Variants in EYS observed in about 807,000 individuals in gnomAD.
The protein encoded by EYS is protein eyes shut homolog.
Under a neutral mutation model 282.1 loss-of-function variants are expected in EYS, and 250 were observed. That is an observed-to-expected ratio of 0.89 (90% CI 0.80 to 0.98). The LOEUF is 0.98. Among genes scored for constraint, EYS ranks in the 50% least tolerant of loss-of-function variants. The pLI, the probability that EYS is intolerant of heterozygous loss-of-function variation, is 0.00. For missense variants in EYS, 4,016 were observed against 3,709.0 expected, an observed-to-expected ratio of 1.08 and a Z score of -2.15; for synonymous variants, 1,355 against 1,282.9, an observed-to-expected ratio of 1.06 and a Z score of -1.20.
At chr6:64,982,681 T>C (rs1770717977) in intron 14 of EYS, among the ~76,000 whole-genome samples, 1 of 151,186 alleles carries the variant, frequency 6.6e-6, no homozygotes, top group South Asian at 2.1e-4. Context: ...TGAGTGCTTT[T>C]AAAACACTTA....
In EYS at chr6:65,183,424, C is replaced by T. The variant is rs547800534; in HGVS notation, c.2023+112439G>A. On this transcript the variant is annotated intron_variant, in intron 12 of 42. Coordinates refer to ENST00000503581, the MANE Select transcript of EYS (RefSeq NM_001142800.2). ...CTATTTATAATTCCAAATACAATTT[C>T]GGAGTTATTTTGAGTTTCTAAAGGA... Among the ~76,000 whole-genome samples the T allele has an allele frequency of 4.1e-3, 622 of 151,768 alleles. 3 individuals carry two copies. The highest frequency in any genetic ancestry group is 0.014 in the African/African-American group (573 of 41,462).
chr6:63,988,667 G>C (rs1767476855), intron 34 of EYS, among the ~76,000 whole-genome samples: 1 of 151,490 alleles, frequency 6.6e-6, no homozygotes, highest in East Asian at 1.9e-4. Flanking sequence ...TTGTGAATCA[G>C]ACTATGAAGA....
chr6:64,088,793 G>C (rs1388846720), intron 31 of EYS, among the ~76,000 whole-genome samples: 1 of 151,908 alleles, frequency 6.6e-6, no homozygotes, highest in Non-Finnish European at 1.5e-5. Context: ...CAACTTAGCA[G>C]AATAAAAGTT....
chr6:64,403,288 A>G (rs1773596834), intron 28 of EYS, among the ~76,000 whole-genome samples: 2 of 152,144 alleles, frequency 1.3e-5, no homozygotes, highest in South Asian at 4.1e-4. Context: ...GTACTTGACA[A>G]TTTATGAATA....
intron 31 of EYS, among the ~76,000 whole-genome samples, chr6:64,152,397 A>G (rs934678824): frequency 6.6e-6 from 1 of 152,226 alleles, no homozygotes; most frequent in East Asian, 1.9e-4. Context: ...AAGAAATATT[A>G]GAGATTATTT....
At chr6:65,252,478 C>T (rs1210376856) in intron 12 of EYS, among the ~76,000 whole-genome samples, 3 of 151,906 alleles carry the variant, frequency 2.0e-5, no homozygotes, top group Admixed American at 6.6e-5. Flanking sequence ...AAATCAACTG[C>T]TTGCTAAAAT....
chr6:63,936,638 G>A (rs944805432), intron 35 of EYS, among the ~76,000 whole-genome samples: 6 of 152,068 alleles, frequency 3.9e-5, no homozygotes, highest in Non-Finnish European at 8.8e-5. Context: ...TCACTTATTT[G>A]TTCTTCTGTT....
chr6:65,262,591 G>T (rs1231567733), intron 12 of EYS, among the ~76,000 whole-genome samples: 1 of 151,898 alleles, frequency 6.6e-6, no homozygotes, highest in African/African-American at 2.4e-5. Context: ...TATGATGGAA[G>T]ATATAATTTC....
chr6:64,670,118 A>T lies in EYS; in HGVS notation c.3444-43873T>A, dbSNP rs76258601. Among the ~76,000 whole-genome samples the T allele has an allele frequency of 5.0e-3, 755 of 152,312 alleles. 8 individuals carry two copies. The highest frequency in any genetic ancestry group is 0.017 in the African/African-American group (712 of 41,570). On this transcript the variant is annotated intron_variant, in intron 22 of 42. Coordinates refer to ENST00000503581, the MANE Select transcript of EYS (RefSeq NM_001142800.2). ...CCTGATCTCCCCGTCTCTAAGGGAA[A>T]GTAGGAGCCTAACTTTGGTGGGCAC...
At chr6:65,170,877 A>T (rs1239829669) in intron 12 of EYS, among the ~76,000 whole-genome samples, 2 of 151,478 alleles carry the variant, frequency 1.3e-5, no homozygotes, top group Non-Finnish European at 3.0e-5. Context: ...AATAACAAAA[A>T]TGAGAAATTT....
chr6:65,501,465 T>G (rs1766448366), intron 2 of EYS, among the ~76,000 whole-genome samples: 1 of 151,860 alleles, frequency 6.6e-6, no homozygotes, highest in African/African-American at 2.4e-5. Flanking sequence ...AAACTACATT[T>G]AAGAAAAACA....
chr6:64,415,744 C>A (rs1232537791), intron 28 of EYS, among the ~76,000 whole-genome samples: 1 of 152,112 alleles, frequency 6.6e-6, no homozygotes, highest in African/African-American at 2.4e-5. Context: ...TTGCAGTGTT[C>A]TTCAAATCAT....
At chr6:65,285,714 A>G (rs2150279014) in intron 12 of EYS, among the ~76,000 whole-genome samples, 1 of 152,166 alleles carries the variant, frequency 6.6e-6, no homozygotes, top group South Asian at 2.1e-4. Context: ...ATTAAATGAT[A>G]GAAAATGTCC....
rs371607669 is a variant in EYS, at chr6:65,384,392, T to A, written c.1293A>T (p.Arg431Ser). 100 of 1,583,022 alleles carry A rather than the reference T, an allele frequency of 6.3e-5. No homozygotes were observed. Among genetic ancestry groups the A allele is most frequent in the Middle Eastern group, 1.7e-4 (1 of 6,012 alleles). Residue 431 changes from arginine (R) to serine (S), a missense_variant, in exon 8 of 43, where the codon AGA (arginine) becomes AGT (serine). By Grantham distance (110) the Arg-to-Ser change is moderately radical. Coordinates refer to ENST00000503581, the MANE Select transcript of EYS (RefSeq NM_001142800.2). ...CATGTATTAAATTACTTACTTTGAA[T>A]CTTCCAATTATATTGAAACACCATT... is the stretch of plus-strand genomic sequence containing the variant. Reference protein sequence around the residue: ...NEEWCFNIIGRFKYVCIPGCT... With the variant: ...NEEWCFNIIGSFKYVCIPGCT...
chr6:64,605,982 C>T (rs1766920718), intron 24 of EYS, among the ~76,000 whole-genome samples: 1 of 151,936 alleles, frequency 6.6e-6, no homozygotes, highest in East Asian at 1.9e-4. Flanking sequence ...TCTTACGTTC[C>T]TCCATTGGAA....
chr6:65,210,532 C>T (rs1044386426), intron 12 of EYS, among the ~76,000 whole-genome samples: 1 of 151,928 alleles, frequency 6.6e-6, no homozygotes, highest in South Asian at 2.1e-4. Flanking sequence ...ACTGCAGTTA[C>T]TATGCTCACT....
rs1398146929 is a variant in EYS, at chr6:65,004,234, C to T, written c.2138-6531G>A. On this transcript the variant is annotated intron_variant, in intron 13 of 42. Transcript: ENST00000503581. The stretch of plus-strand genomic sequence containing the variant: ...TTCTGACACTAGAAAGGAAAAGTCA[C>T]ATTTCATTAGATTTCCTCATTCGCT... 4.1e-5 allele frequency among the ~76,000 whole-genome samples: 6 copies of T among 147,650 alleles called. No individual in the cohort carries two copies. The East Asian group carries it at 1.3e-3, about 31-fold the overall frequency.
intron 2 of EYS, among the ~76,000 whole-genome samples, chr6:65,608,582 T>C (rs2149793722): frequency 6.6e-6 from 1 of 152,142 alleles, no homozygotes; most frequent in African/African-American, 2.4e-5. Flanking sequence ...CACCATAACA[T>C]TTTAGGTTTA....
intron 2 of EYS, among the ~76,000 whole-genome samples, chr6:65,543,935 T>C (rs1224660873): frequency 6.6e-6 from 1 of 151,784 alleles, no homozygotes; most frequent in Non-Finnish European, 1.5e-5. Flanking sequence ...TGCTTTTGAG[T>C]TGAGAGTGAA....
Sources: gnomAD v4.1 joint callset for allele counts (sites outside exome capture counted in the v4.1 genomes callset) on GRCh38, gnomAD v4.1.1 for gene constraint, MANE v1.5 for transcripts, NCBI Gene and HGNC (gene_info 2026-07-23, HGNC 2026-07-21) for gene names.